The following MRPL30 variants were observed in gnomAD, a reference collection of about 807,000 sequenced individuals.
The protein encoded by MRPL30 is large ribosomal subunit protein uL30m.
MRPL30 carries 10 observed loss-of-function variants against 17.2 expected under a neutral mutation model. The ratio of observed to expected loss-of-function variants is 0.58; its 90% CI spans 0.36 to 0.99. The LOEUF (loss-of-function observed/expected upper bound fraction) is 0.99. Among genes scored for constraint, MRPL30 ranks in the 50% least tolerant of loss-of-function variants. The pLI is 0.01. For synonymous variants in MRPL30, 61 were observed against 62.1 expected (o/e 0.98, Z 0.08); for missense variants, 170 against 189.8 (o/e 0.90, Z 0.61).
At chr2:99,193,795 T>C (rs1258137801) in intron 3 of MRPL30, among the ~76,000 whole-genome samples, 1 of 152,090 alleles carries the variant, frequency 6.6e-6, no homozygotes, top group Non-Finnish European at 1.5e-5. Flanking sequence ...TCCTAGCACT[T>C]TGGGAGGCCA....
intron 1 of MRPL30, among the ~76,000 whole-genome samples, chr2:99,184,130 T>C (rs1381043843): frequency 6.6e-6 from 1 of 152,248 alleles, no homozygotes; most frequent in Non-Finnish European, 1.5e-5. Context: ...AGTAATACTT[T>C]GTTACTTATT....
At chr2:99,190,138 A>G (rs2093942186) in intron 3 of MRPL30, among the ~76,000 whole-genome samples, 1 of 151,592 alleles carries the variant, frequency 6.6e-6, no homozygotes, top group African/African-American at 2.4e-5. Context: ...AATTAATAAT[A>G]ATAGTAACTC....
chr2:99,195,392 G>A (rs1274896414), intron 5 of MRPL30, 181 bp from the exon 6 acceptor site: 19 of 800,512 alleles, frequency 2.4e-5, no homozygotes, highest in Non-Finnish European at 3.3e-5. Context: ...ATAGTGATCC[G>A]ATCAGGGTAA....
chr2:99,188,962 A>G (rs914012275), intron 3 of MRPL30, among the ~76,000 whole-genome samples: 2 of 152,174 alleles, frequency 1.3e-5, no homozygotes, highest in Admixed American at 1.3e-4. Flanking sequence ...TGGCCTCCCA[A>G]AGTGCTGGGA....
intron 1 of MRPL30, among the ~76,000 whole-genome samples, chr2:99,185,466 G>C (rs555037458): frequency 2.0e-5 from 3 of 152,112 alleles, no homozygotes; most frequent in Admixed American, 2.0e-4. Context: ...TAACCTGTCC[G>C]AGATATACAT....
At position 99,194,773 on chromosome 2, in the gene MRPL30, A is replaced by G. The variant is rs1336274102; in HGVS notation, c.155A>G (p.Asp52Gly). 2.5e-6 allele frequency: 4 copies of G among 1,588,538 alleles called. No individual in the cohort carries two copies. Among genetic ancestry groups the G allele is most frequent in the Non-Finnish European group, 3.4e-6 (4 of 1,173,290 alleles). Residue 52 changes from aspartate (D) to glycine (G), a missense_variant, in exon 4 of 6, where the codon GAT becomes GGT. By Grantham distance (94) the Asp-to-Gly change is moderately conservative. Coordinates refer to ENST00000338148, the MANE Select transcript of MRPL30 (RefSeq NM_145212.4). Reference sequence around the variant, plus strand: ...TAGGTGTTTCAGGCCTCACCTGAAGATCATGAAAAATACGGTGGGGATCCA... The same window carrying G: ...TAGGTGTTTCAGGCCTCACCTGAAGGTCATGAAAAATACGGTGGGGATCCA... ...PEKVFQASPE[D>G]HEKYGGDPQN...
At chr2:99,195,356 T>C (rs1460262362) in intron 5 of MRPL30, 167 bp downstream of exon 5, 2 of 738,368 alleles carry the variant, frequency 2.7e-6, no homozygotes, top group Non-Finnish European at 4.3e-6. Flanking sequence ...ATGGGGTACA[T>C]AGTGACGTTT....
At chr2:99,182,581 G>A (rs988028998) in intron 1 of MRPL30, among the ~76,000 whole-genome samples, 42 of 152,216 alleles carry the variant, frequency 2.8e-4, no homozygotes, top group African/African-American at 9.9e-4. Flanking sequence ...TAAAATAAAC[G>A]TATTCTTTGA....
intron 3 of MRPL30, among the ~76,000 whole-genome samples, chr2:99,192,454 CA>C (rs1161704053): frequency 6.6e-6 from 1 of 152,176 alleles, no homozygotes; most frequent in African/African-American, 2.4e-5. Flanking sequence ...TCTCATTGCT[CA>C]ACTCCCACTT....
chr2:99,195,195 T>C lies in MRPL30; in HGVS notation c.353+6T>C, dbSNP rs1313020006. 1.3e-6 allele frequency: 2 copies of C among 1,598,090 alleles called. No individual in the cohort carries two copies. The highest frequency in any genetic ancestry group is 1.1e-5 in the South Asian group (1 of 89,040). ...GTAGTTAAGCATTTGATAAGGTTTGTTGTTTCTTCTCAGCTCTTTTTAAAA... is the reference window on the plus strand; with the variant it reads ...GTAGTTAAGCATTTGATAAGGTTTGCTGTTTCTTCTCAGCTCTTTTTAAAA... On this transcript the variant is annotated splice_donor_region_variant and intron_variant, in intron 5 of 5. Coordinates refer to ENST00000338148, the MANE Select transcript of MRPL30 (RefSeq NM_145212.4).
chr2:99,190,734 AAC>A (rs569517317), intron 3 of MRPL30, among the ~76,000 whole-genome samples: 79 of 152,302 alleles, frequency 5.2e-4, no homozygotes, highest in South Asian at 1.2e-3. Context: ...GCAGGAGAAT[AAC>A]ACACACTGGG....
intron 1 of MRPL30, among the ~76,000 whole-genome samples, chr2:99,185,500 T>A (rs2093932469): frequency 6.6e-6 from 1 of 152,228 alleles, no homozygotes; most frequent in African/African-American, 2.4e-5. Flanking sequence ...TTAATCTTTC[T>A]GCTATCAGTA....
intron 3 of MRPL30, among the ~76,000 whole-genome samples, chr2:99,189,583 A>G (rs1194848045): frequency 6.6e-6 from 1 of 152,236 alleles, no homozygotes; most frequent in Non-Finnish European, 1.5e-5. Context: ...ACAGTAATGA[A>G]CAAAGCTGCT....
rs1236724812 is a variant in MRPL30, at chr2:99,195,684, G to A, written c.465G>A (p.Glu155=). Residue 155 remains glutamate, a synonymous_variant, in exon 6 of 6, where the codon GAG becomes GAA. Transcript: ENST00000338148. ...LVVQWHLKPV[E]QKAHES ...TGCAGTGGCATCTGAAACCTGTGGA[G>A]CAGAAAGCACATGAGTCCTAATGCC... 5 of 1,613,170 alleles carry A rather than the reference G, an allele frequency of 3.1e-6. No individual in the cohort carries two copies. The highest frequency in any genetic ancestry group is 2.2e-5 in the South Asian group (2 of 90,950).
rs760294630 is a variant in MRPL30 at position 99,195,606 on chromosome 2, A to G, written c.387A>G (p.Pro129=). 2 of 1,610,664 alleles carry G rather than the reference A, an allele frequency of 1.2e-6. No individual in the cohort carries two copies. Among genetic ancestry groups the G allele is most frequent in the South Asian group, 2.2e-5 (2 of 90,194 alleles). Reference sequence around the variant, plus strand: ...CCTTGAAGTTGCCACAAGGACTTCCAGCAGAGGAGAACATGTCTAACACGT... The same window carrying G: ...CCTTGAAGTTGCCACAAGGACTTCCGGCAGAGGAGAACATGTCTAACACGT... ...IKPLKLPQGL[P]AEENMSNTCL... is the part of the protein sequence containing the mutation. The change falls in exon 6 of 6, where the codon CCA becomes CCG. Residue 129 remains proline, a synonymous_variant. Transcript: ENST00000338148.
intron 1 of MRPL30, chr2:99,185,933 T>C: frequency 2.0e-6 from 1 of 494,166 alleles, no homozygotes; most frequent in Non-Finnish European, 3.7e-6. Context: ...AGTAATTTTG[T>C]GGAATCAATC....
chr2:99,198,852 C>G lies in MRPL30; in HGVS notation c.*3147C>G, dbSNP rs1000958619. On this transcript the variant is annotated 3_prime_UTR_variant, in exon 6 of 6. Transcript: ENST00000338148. The stretch of plus-strand genomic sequence containing the variant: ...GTGGTGACCGTGGCCACCAAGTCAA[C>G]CCAAACACTACCTTTAAGGACGACT... Among the ~76,000 whole-genome samples, 1 of 152,164 alleles carries G rather than the reference C, an allele frequency of 6.6e-6. No individual in the cohort carries two copies. The highest frequency in any genetic ancestry group is 2.4e-5 in the African/African-American group (1 of 41,434).
At chr2:99,185,971 G>C (rs2093933186) in intron 1 of MRPL30, among the ~76,000 whole-genome samples, 1 of 152,202 alleles carries the variant, frequency 6.6e-6, no homozygotes, top group Non-Finnish European at 1.5e-5. Context: ...ATGAAAGTGG[G>C]ATGTGGCTAA....
At chr2:99,185,932 G>T (rs2093933127) in intron 1 of MRPL30, 1 of 489,238 alleles carries the variant, frequency 2.0e-6, no homozygotes, top group South Asian at 2.3e-5. Context: ...TAGTAATTTT[G>T]TGGAATCAAT....
Sources: gnomAD v4.1 joint callset for allele counts (sites outside exome capture counted in the v4.1 genomes callset) on GRCh38, gnomAD v4.1.1 for gene constraint, MANE v1.5 for transcripts, NCBI Gene and HGNC (gene_info 2026-07-23, HGNC 2026-07-21) for gene names.